The following PEA15 variants were observed in gnomAD, a reference collection of about 807,000 sequenced individuals.
The protein encoded by PEA15 is astrocytic phosphoprotein PEA-15.
For missense variants in PEA15, 77 were observed against 161.3 expected, an observed-to-expected ratio of 0.48 and a Z score of 2.83; for synonymous variants, 60 against 61.8, an observed-to-expected ratio of 0.97 and a Z score of 0.13.
chr1:160,212,083 G>T (rs1172173731), intron 2 of PEA15, among the ~76,000 whole-genome samples: 2 of 152,176 alleles, frequency 1.3e-5, no homozygotes. Flanking sequence ...ACTAATCTTT[G>T]TTAAGCATTT....
Position 160,213,893 on chromosome 1 carries a change from G to A in PEA15, c.*407G>A. The A allele has an allele frequency of 5.0e-6, 1 of 198,498 alleles. No individual in the cohort carries two copies. The highest frequency in any genetic ancestry group is 1.1e-5 in the Non-Finnish European group (1 of 95,216). The allele number at this position is 198,498 out of a possible 1,614,324, so 12.3% of individuals were successfully genotyped here. On this transcript the variant is annotated 3_prime_UTR_variant, in exon 4 of 4. Transcript: ENST00000360472. The surrounding 1 kb of genome is among the most constrained non-coding windows in gnomAD (Gnocchi z 5.3). ...GACATAGGGGTAAGGTATGGGAGAG[G>A]TAGGTGGATCCAGGGAAAAGCAGTG...
Position 160,208,657 on chromosome 1 carries a change from C to T in PEA15, c.-2-2886C>T. 1 of 1,550,268 alleles carries T rather than the reference C, an allele frequency of 6.5e-7. No individual in the cohort carries two copies. The highest frequency in any genetic ancestry group is 1.2e-5 in the South Asian group (1 of 84,052). ...CAAGCCCCACCATGGCCAGGCCAGACCAGCCCAGGTACAACTGTTGATCAG... is the reference window on the plus strand; with the variant it reads ...CAAGCCCCACCATGGCCAGGCCAGATCAGCCCAGGTACAACTGTTGATCAG... On this transcript the variant is annotated intron_variant, in intron 1 of 3. Coordinates refer to ENST00000360472, the MANE Select transcript of PEA15 (RefSeq NM_003768.5). The surrounding 1 kb of genome is among the most constrained non-coding windows in gnomAD (Gnocchi z 4.1).
In PEA15 at chr1:160,213,184, A is replaced by C. The variant is rs61756023; in HGVS notation, c.247A>C (p.Arg83=). The C allele has an allele frequency of 9.5e-4, 1,528 of 1,614,064 alleles. No homozygotes were observed. Among genetic ancestry groups the C allele is most frequent in the Non-Finnish European group, 1.2e-3 (1,365 of 1,180,030 alleles). Residue 83 remains arginine (R), a synonymous_variant, in exon 3 of 4, where the codon AGA becomes CGA. Transcript: ENST00000360472. This position sits in a 1 kb window ranked among gnomAD's most constrained non-coding sequence, Gnocchi z 5.3. ...CCTACTCACTATGGTGGTTGACTAC[A>C]GAACCCGTGTGCTGAAGATCTCTGA... ...PDLLTMVVDY[R]TRVLKISEED...
At position 160,213,822 on chromosome 1, in the gene PEA15, A is replaced by G. The variant is rs931581928; in HGVS notation, c.*336A>G. On this transcript the variant is annotated 3_prime_UTR_variant, in exon 4 of 4. Coordinates refer to ENST00000360472, the MANE Select transcript of PEA15 (RefSeq NM_003768.5). This position sits in a 1 kb window ranked among gnomAD's most constrained non-coding sequence, Gnocchi z 5.3. ...TTCCTCCACTCCCCCCATATCTTTAAAGTGTGGAAGCAGAAAGGACCTGCA... is the reference window on the plus strand; with the variant it reads ...TTCCTCCACTCCCCCCATATCTTTAGAGTGTGGAAGCAGAAAGGACCTGCA... 31 of 287,360 alleles carry G rather than the reference A, an allele frequency of 1.1e-4. No homozygotes were observed. Among genetic ancestry groups the G allele is most frequent in the African/African-American group, 5.8e-4 (27 of 46,436 alleles). The allele number at this position is 287,360 out of a possible 1,614,324, so 17.8% of individuals were successfully genotyped here.
Position 160,213,429 on chromosome 1 carries a change from C to G in PEA15, c.336C>G (p.Ile112Met). Residue 112 changes from isoleucine to methionine, a missense_variant, in exon 4 of 4, where the codon ATC (isoleucine) becomes ATG (methionine). Coordinates refer to ENST00000360472, the MANE Select transcript of PEA15 (RefSeq NM_003768.5). The surrounding 1 kb of genome is among the most constrained non-coding windows in gnomAD (Gnocchi z 5.3). ...IPSAKKYKDI[I>M]RQPSEEEIIK... ...ATACCTTTTTGCCCCCAGACATTAT[C>G]CGGCAGCCCTCTGAGGAAGAGATCA... The G allele has an allele frequency of 6.2e-7, 1 of 1,614,190 alleles. No homozygotes were observed. The highest frequency in any genetic ancestry group is 8.5e-7 in the Non-Finnish European group (1 of 1,180,030).
At position 160,205,588 on chromosome 1, in the gene PEA15, G is replaced by T. The variant is rs531036480; in HGVS notation, c.-3+66G>T. ...AGATTTCGGGGTCTAGGCTTGGAGG[G>T]GCAACGATCTGGGACACCGGGGGCC... is the stretch of plus-strand genomic sequence containing the variant. On this transcript the variant is annotated intron_variant, in intron 1 of 3. Transcript: ENST00000360472. This position sits in a 1 kb window ranked among gnomAD's most constrained non-coding sequence, Gnocchi z 5.9. The T allele has an allele frequency of 4.6e-5, 7 of 153,638 alleles. No homozygotes were observed. Among genetic ancestry groups the T allele is most frequent in the Admixed American group, 2.6e-4 (4 of 15,290 alleles). 9.5% of individuals were successfully genotyped at this position (153,638 alleles called of 1,614,324 possible). A position where few individuals can be genotyped will look rare whatever the true frequency, so the allele number is the denominator to read the frequency against.
chr1:160,211,298 A>G (rs1456936077), intron 1 of PEA15: 4 of 1,189,146 alleles, frequency 3.4e-6, no homozygotes, highest in Non-Finnish European at 4.2e-6. Flanking sequence ...GAAGAAAAAG[A>G]TGGTGGGGGG....
intron 1 of PEA15, among the ~76,000 whole-genome samples, chr1:160,209,873 CAG>C (rs1259524803): frequency 6.6e-6 from 1 of 152,258 alleles, no homozygotes; most frequent in Admixed American, 6.5e-5. Context: ...GATTTCAAGG[CAG>C]AGACAGTTCC....
Position 160,208,305 on chromosome 1 carries a change from G to C in PEA15, c.-3+2783G>C. Reference sequence around the variant, plus strand: ...CCTCAGTTGGTTTGACCTTTGTCAGGGCTGTGCCTGGGGCCAGCTTGGAAG... The same window carrying C: ...CCTCAGTTGGTTTGACCTTTGTCAGCGCTGTGCCTGGGGCCAGCTTGGAAG... On this transcript the variant is annotated intron_variant, in intron 1 of 3. Transcript: ENST00000360472. This position sits in a 1 kb window ranked among gnomAD's most constrained non-coding sequence, Gnocchi z 4.1. 1 of 423,632 alleles carries C rather than the reference G, an allele frequency of 2.4e-6. No individual in the cohort carries two copies. Among genetic ancestry groups the C allele is most frequent in the East Asian group, 4.4e-5 (1 of 22,554 alleles). 26.2% of individuals were successfully genotyped at this position (423,632 alleles called of 1,614,324 possible).
chr1:160,208,483 G>A lies in PEA15; in HGVS notation c.-3+2961G>A, dbSNP rs913644874. 8.0e-6 allele frequency: 7 copies of A among 879,520 alleles called. No homozygotes were observed. Among genetic ancestry groups the A allele is most frequent in the Middle Eastern group, 2.5e-4 (1 of 3,922 alleles). 54.5% of individuals were successfully genotyped at this position (879,520 alleles called of 1,614,324 possible). A position where few individuals can be genotyped will look rare whatever the true frequency, so the allele number is the denominator to read the frequency against. ...CCCAAGAATGGCCTCCGCCCAGACT[G>A]CCTGGTGATCCCTGAGCAGCTCTCT... On this transcript the variant is annotated intron_variant, in intron 1 of 3. Coordinates refer to ENST00000360472, the MANE Select transcript of PEA15 (RefSeq NM_003768.5). This position sits in a 1 kb window ranked among gnomAD's most constrained non-coding sequence, Gnocchi z 4.1.
chr1:160,206,983 T>C (rs1408172455), intron 1 of PEA15: 2 of 152,432 alleles, frequency 1.3e-5, no homozygotes, highest in Non-Finnish European at 2.9e-5. Flanking sequence ...TTATCATGCA[T>C]GAAGAGGGTC....
At position 160,208,877 on chromosome 1, in the gene PEA15, T is replaced by G; in HGVS notation, c.-2-2666T>G. 15 of 523,628 alleles carry G rather than the reference T, an allele frequency of 2.9e-5. No individual in the cohort carries two copies. Among genetic ancestry groups the G allele is most frequent in the Non-Finnish European group, 3.4e-5 (10 of 292,414 alleles). 32.4% of individuals were successfully genotyped at this position (523,628 alleles called of 1,614,324 possible). On this transcript the variant is annotated intron_variant, in intron 1 of 3. Transcript: ENST00000360472. This position sits in a 1 kb window ranked among gnomAD's most constrained non-coding sequence, Gnocchi z 4.1. ...ACACTCCTCCCATCTAGTGGTGTCATCCTAACGACTGGGGGTGGGGGGCAC... is the reference window on the plus strand; with the variant it reads ...ACACTCCTCCCATCTAGTGGTGTCAGCCTAACGACTGGGGGTGGGGGGCAC...
At chr1:160,212,031 G>A (rs1654893601) in intron 2 of PEA15, among the ~76,000 whole-genome samples, 1 of 152,230 alleles carries the variant, frequency 6.6e-6, no homozygotes, top group South Asian at 2.1e-4. Flanking sequence ...ATACCTGAAT[G>A]AGGGGAGAAC....
intron 1 of PEA15, among the ~76,000 whole-genome samples, chr1:160,210,777 G>A (rs911967682): frequency 6.6e-6 from 1 of 152,190 alleles, no homozygotes. Context: ...TCTTGGGCAC[G>A]GGGGCTGCAG....
At position 160,208,774 on chromosome 1, in the gene PEA15, G is replaced by C; in HGVS notation, c.-2-2769G>C. 1.1e-6 allele frequency: 1 copy of C among 937,564 alleles called. No individual in the cohort carries two copies. Among genetic ancestry groups the C allele is most frequent in the South Asian group, 1.4e-5 (1 of 69,476 alleles). The allele number at this position is 937,564 out of a possible 1,614,324, so 58.1% of individuals were successfully genotyped here. A position where few individuals can be genotyped will look rare whatever the true frequency, so the allele number is the denominator to read the frequency against. On this transcript the variant is annotated intron_variant, in intron 1 of 3. Transcript: ENST00000360472. The surrounding 1 kb of genome is among the most constrained non-coding windows in gnomAD (Gnocchi z 4.1). ...CAAATGGATCTCTCCAAGAAGGGAGGCAACTGGGCTGCCTTTCCTTGTACC... is the reference window on the plus strand; with the variant it reads ...CAAATGGATCTCTCCAAGAAGGGAGCCAACTGGGCTGCCTTTCCTTGTACC...
chr1:160,209,325 G>T (rs2101693633), intron 1 of PEA15, among the ~76,000 whole-genome samples: 1 of 152,158 alleles, frequency 6.6e-6, no homozygotes, highest in East Asian at 1.9e-4. Context: ...TTTCTCCTCT[G>T]CCACTTTAAC....
rs1453161397 is a variant in PEA15 at position 160,208,578 on chromosome 1, A to G, written c.-2-2965A>G. 6.5e-7 allele frequency: 1 copy of G among 1,548,794 alleles called. No individual in the cohort carries two copies. Among genetic ancestry groups the G allele is most frequent in the Non-Finnish European group, 8.7e-7 (1 of 1,145,366 alleles). On this transcript the variant is annotated intron_variant, in intron 1 of 3. Transcript: ENST00000360472. This position sits in a 1 kb window ranked among gnomAD's most constrained non-coding sequence, Gnocchi z 4.1. ...AGATTTCTCCACGAGCCCTAAGGAA[A>G]TCTGAATCTCTGGTGAGGAAAGTGA...
At chr1:160,212,705 C>A (rs1654926206) in intron 2 of PEA15, among the ~76,000 whole-genome samples, 2 of 151,028 alleles carry the variant, frequency 1.3e-5, no homozygotes, top group African/African-American at 4.9e-5. Flanking sequence ...AGAGATTCCA[C>A]CCTGCTGGTC....
Position 160,208,948 on chromosome 1 carries a change from C to T in PEA15, c.-2-2595C>T, listed in dbSNP as rs558833886. 2.6e-4 allele frequency: 115 copies of T among 447,220 alleles called. No individual in the cohort carries two copies. The East Asian group carries it at 4.5e-3, about 17-fold the overall frequency. 27.7% of individuals were successfully genotyped at this position (447,220 alleles called of 1,614,324 possible). A position where few individuals can be genotyped will look rare whatever the true frequency, so the allele number is the denominator to read the frequency against. ...GTAACAGATGAGATGAGGCTACAGC[C>T]TTCTATAGTTGTGGACTGTATGCTC... On this transcript the variant is annotated intron_variant, in intron 1 of 3. Coordinates refer to ENST00000360472, the MANE Select transcript of PEA15 (RefSeq NM_003768.5). The surrounding 1 kb of genome is among the most constrained non-coding windows in gnomAD (Gnocchi z 4.1).
Sources: allele counts gnomAD v4.1 joint callset (sites outside exome capture counted in the v4.1 genomes callset), GRCh38; gene constraint gnomAD v4.1.1; non-coding constraint Gnocchi (gnomAD v3.1); transcripts MANE v1.5; gene names NCBI Gene and HGNC (gene_info 2026-07-23, HGNC 2026-07-21).